PXDNL: variants seen among roughly 807,000 people sequenced by gnomAD.
PXDNL encodes the protein probable oxidoreductase PXDNL.
PXDNL carries 145 observed loss-of-function variants against 150.8 expected under a neutral mutation model. The observed-to-expected ratio is 0.96, with a 90% CI of 0.84 to 1.10. The LOEUF (loss-of-function observed/expected upper bound fraction) is 1.10, where lower values mean the gene tolerates loss of function less well. Ranked by LOEUF, PXDNL falls within the 50% of genes least tolerant of loss-of-function variation. PXDNL has a pLI of 0.00. For missense variants in PXDNL, 2,087 were observed against 1,873.9 expected (o/e 1.11, Z -2.10); for synonymous variants, 757 against 725.7 (o/e 1.04, Z -0.69).
At chr8:51,578,344 C>T (rs546367641) in intron 3 of PXDNL, among the ~76,000 whole-genome samples, 6 of 151,718 alleles carry the variant, frequency 4.0e-5, no homozygotes, top group Non-Finnish European at 8.9e-5. Flanking sequence ...ATGAAAATGT[C>T]AACACTGAAA....
rs35948794 is a variant in PXDNL at position 51,342,879 on chromosome 8, C to CAA, written c.4016+2952_4016+2953dup. ...CACAGCTGGGATGCTGATTAAGATT[C>CAA]AAAAAAAAAAAAAAAAAAAAGGGCC... On this transcript the variant is annotated intron_variant, in intron 20 of 22. Transcript: ENST00000356297. Among the ~76,000 whole-genome samples the CAA allele has an allele frequency of 2.6e-3, 238 of 90,172 alleles. 3 individuals carry two copies. Among genetic ancestry groups the CAA allele is most frequent in the Non-Finnish European group, 4.0e-3 (166 of 41,880 alleles). 59.2% of individuals were successfully genotyped at this position (90,172 alleles called of 152,430 possible). A position where few individuals can be genotyped will look rare whatever the true frequency, so the allele number is the denominator to read the frequency against.
At chr8:51,712,315 T>C (rs1194691647) in intron 1 of PXDNL, among the ~76,000 whole-genome samples, 1 of 152,208 alleles carries the variant, frequency 6.6e-6, no homozygotes, top group Non-Finnish European at 1.5e-5. Context: ...CCTATGGTAC[T>C]ACTGGGCTGA....
rs114587114 is a variant in PXDNL at position 51,378,743 on chromosome 8, A to G, written c.3558-4012T>C. Among the ~76,000 whole-genome samples the G allele has an allele frequency of 2.1e-3, 315 of 149,100 alleles. 1 individual carries two copies. Among genetic ancestry groups the G allele is most frequent in the African/African-American group, 7.5e-3 (290 of 38,742 alleles). Reference sequence around the variant, plus strand: ...TGGGACAGGACGGGAGGAACGAACAACTCCACACGTGCGGCCTTAAGAGCT... The same window carrying G: ...TGGGACAGGACGGGAGGAACGAACAGCTCCACACGTGCGGCCTTAAGAGCT... On this transcript the variant is annotated intron_variant, in intron 17 of 22. Transcript: ENST00000356297.
At chr8:51,666,791 A>G (rs954769341) in intron 1 of PXDNL, among the ~76,000 whole-genome samples, 3 of 152,152 alleles carry the variant, frequency 2.0e-5, no homozygotes, top group Non-Finnish European at 2.9e-5. Context: ...CCTGCACTCT[A>G]TATGCCCCTC....
At chr8:51,483,076 C>T (rs1810638990) in intron 6 of PXDNL, among the ~76,000 whole-genome samples, 2 of 152,142 alleles carry the variant, frequency 1.3e-5, no homozygotes, top group African/African-American at 4.8e-5. Flanking sequence ...GAAGGCTACA[C>T]ACAGATGGGA....
chr8:51,422,099 C>G (rs1480886381), intron 14 of PXDNL, among the ~76,000 whole-genome samples: 1 of 151,970 alleles, frequency 6.6e-6, no homozygotes, highest in African/African-American at 2.4e-5. Flanking sequence ...AGGTTGTGCA[C>G]TCCTTATGAG....
rs971433063 is a variant in PXDNL at position 51,715,530 on chromosome 8, T to G, written c.165-60770A>C. Among the ~76,000 whole-genome samples, 3 of 152,226 alleles carry G rather than the reference T, an allele frequency of 2.0e-5. No individual in the cohort carries two copies. The South Asian group carries it at 6.2e-4, about 31-fold the overall frequency. Reference sequence around the variant, plus strand: ...CCATTTACTAGCTAAGTGACTGAGATAAGTGTTAACTTCTCTGATTCTTAG... The same window carrying G: ...CCATTTACTAGCTAAGTGACTGAGAGAAGTGTTAACTTCTCTGATTCTTAG... On this transcript the variant is annotated intron_variant, in intron 1 of 22. Transcript: ENST00000356297.
At chr8:51,377,630 C>CGT (rs1410494622) in intron 17 of PXDNL, among the ~76,000 whole-genome samples, 2 of 152,222 alleles carry the variant, frequency 1.3e-5, no homozygotes, top group African/African-American at 4.8e-5. Flanking sequence ...CGGCACCACC[C>CGT]GTCCCAGGCA....
At chr8:51,471,323 C>CT (rs1411084371) in intron 8 of PXDNL, among the ~76,000 whole-genome samples, 6 of 151,998 alleles carry the variant, frequency 3.9e-5, no homozygotes, top group African/African-American at 7.2e-5. Flanking sequence ...TCACATTTAA[C>CT]TTTTTTAACA....
chr8:51,375,448 G>T (rs1187987840), intron 17 of PXDNL, among the ~76,000 whole-genome samples: 1 of 152,084 alleles, frequency 6.6e-6, no homozygotes, highest in African/African-American at 2.4e-5. Flanking sequence ...AACTTAACTT[G>T]TCCCTTGTTT....
At chr8:51,743,670 C>T (rs1227465599) in intron 1 of PXDNL, among the ~76,000 whole-genome samples, 1 of 152,096 alleles carries the variant, frequency 6.6e-6, no homozygotes, top group African/African-American at 2.4e-5. Context: ...GCATGAGCCA[C>T]CATGCCCGGG....
chr8:51,791,955 A>G (rs2129256427), intron 1 of PXDNL, among the ~76,000 whole-genome samples: 1 of 152,320 alleles, frequency 6.6e-6, no homozygotes, highest in South Asian at 2.1e-4. Flanking sequence ...TTTTCTGTTT[A>G]CAGAATCTGT....
chr8:51,766,244 C>T (rs951361865), intron 1 of PXDNL, among the ~76,000 whole-genome samples: 10 of 152,210 alleles, frequency 6.6e-5, no homozygotes, highest in African/African-American at 2.4e-4. Flanking sequence ...AAAAATTTTG[C>T]TCTACAGCTC....
At chr8:51,758,511 T>G (rs2037127203) in intron 1 of PXDNL, among the ~76,000 whole-genome samples, 1 of 152,236 alleles carries the variant, frequency 6.6e-6, no homozygotes, top group Non-Finnish European at 1.5e-5. Context: ...AAATCTCATC[T>G]TGAATTATAA....
At chr8:51,725,200 T>A (rs1162208411) in intron 1 of PXDNL, among the ~76,000 whole-genome samples, 1 of 152,158 alleles carries the variant, frequency 6.6e-6, no homozygotes, top group African/African-American at 2.4e-5. Context: ...AAGTATCAGA[T>A]CTTCCATAAA....
At chr8:51,470,624 T>C (rs1036179886) in intron 8 of PXDNL, among the ~76,000 whole-genome samples, 2 of 152,106 alleles carry the variant, frequency 1.3e-5, no homozygotes, top group Non-Finnish European at 2.9e-5. Context: ...ACCAGTTCAG[T>C]TTTAAAACAG....
At chr8:51,801,137 G>A (rs1046795633) in intron 1 of PXDNL, among the ~76,000 whole-genome samples, 1 of 152,132 alleles carries the variant, frequency 6.6e-6, no homozygotes, top group Admixed American at 6.5e-5. Flanking sequence ...CCTAGGAAAA[G>A]AATTGCATTC....
At chr8:51,335,027 A>G (rs555759927) in intron 21 of PXDNL, among the ~76,000 whole-genome samples, 151 of 152,286 alleles carry the variant, frequency 9.9e-4, no homozygotes, top group African/African-American at 3.5e-3. Flanking sequence ...AAGCCTCTGG[A>G]GTATCTTTTA....
intron 1 of PXDNL, among the ~76,000 whole-genome samples, chr8:51,761,448 C>T (rs2130998803): frequency 6.6e-6 from 1 of 152,246 alleles, no homozygotes; most frequent in South Asian, 2.1e-4. Flanking sequence ...AGCTCATATC[C>T]AGTGCTCAAT....
Sources: allele counts gnomAD v4.1 joint callset (sites outside exome capture counted in the v4.1 genomes callset), GRCh38; gene constraint gnomAD v4.1.1; transcripts MANE v1.5; gene names NCBI Gene and HGNC (gene_info 2026-07-23, HGNC 2026-07-21).